Variants in CT47B1 observed in about 807,000 individuals in gnomAD.
The protein encoded by CT47B1 is cancer/testis CT47 family, member 13.
Under a neutral mutation model 12.8 loss-of-function variants are expected in CT47B1, and 24 were observed. The observed-to-expected ratio is 1.87, with a 90% confidence interval of 1.36 to 2.63. The LOEUF (loss-of-function observed/expected upper bound fraction) is 2.63, where lower values mean the gene tolerates loss of function less well. CT47B1 is among the 30% of genes most tolerant of loss of function. The pLI is 0.00. For synonymous variants in CT47B1, 228 were observed against 133.3 expected (o/e 1.71, Z -4.89); for missense variants, 523 against 271.3 (o/e 1.93, Z -6.52).
chrX:120,875,121 C>T lies in CT47B1; in HGVS notation c.550G>A (p.Gly184Ser). 8.3e-7 allele frequency: 1 copy of T among 1,210,409 alleles called. No homozygotes were observed. The highest frequency in any genetic ancestry group is 1.1e-6 in the Non-Finnish European group (1 of 894,759). ...RLGAGAAAPEGEGLGLIQEAA... is the reference protein window; with the variant it reads ...RLGAGAAAPESEGLGLIQEAA... ...TCCTGGATCAGGCCGAGGCCCTCGC[C>T]TTCTGGGGCTGCAGCCCCTGCACCC... The change falls in exon 1 of 3, where the codon GGC becomes AGC. Residue 184 changes from glycine (G) to serine (S), a missense_variant. Coordinates refer to ENST00000371311, the MANE Select transcript of CT47B1 (RefSeq NM_001145718.3).
At position 120,875,013 on chromosome X, in the gene CT47B1, C is replaced by T. The variant is rs1172317167; in HGVS notation, c.658G>A (p.Glu220Lys). The T allele has an allele frequency of 3.3e-6, 4 of 1,208,821 alleles. No homozygotes were observed. In the African/African-American group the frequency reaches 7.0e-5, roughly 21 times the overall value. The change falls in exon 1 of 3, where the codon GAG becomes AAG. Residue 220 changes from glutamate to lysine, a missense_variant. Transcript: ENST00000371311. Reference sequence around the variant, plus strand: ...GGGGGTTTCTCATCTGCGGCCTCCTCCGCGGGCTCCCTGGCCATCTCGGCC... The same window carrying T: ...GGGGGTTTCTCATCTGCGGCCTCCTTCGCGGGCTCCCTGGCCATCTCGGCC... Reference protein sequence around the residue: ...DLAEMAREPAEEAADEKPPEE... With the variant: ...DLAEMAREPAKEAADEKPPEE...
At position 120,875,230 on chromosome X, in the gene CT47B1, G is replaced by T. The variant is rs778145227; in HGVS notation, c.441C>A (p.His147Gln). The T allele has an allele frequency of 5.8e-5, 70 of 1,210,317 alleles. 1 individual carries two copies. The highest frequency in any genetic ancestry group is 1.2e-4 in the East Asian group (4 of 33,752). The change falls in exon 1 of 3, where the codon CAC becomes CAA. Residue 147 changes from histidine to glutamine, a missense_variant. Coordinates refer to ENST00000371311, the MANE Select transcript of CT47B1 (RefSeq NM_001145718.3). ...HNDHIQIANRHLSRLMVGPHA... is the reference protein window; with the variant it reads ...HNDHIQIANRQLSRLMVGPHA... Reference sequence around the variant, plus strand: ...GGGGCCCCACCATCAGGCGGCTGAGGTGACGGTTCGCTATCTGGATGTGGT... The same window carrying T: ...GGGGCCCCACCATCAGGCGGCTGAGTTGACGGTTCGCTATCTGGATGTGGT...
In CT47B1 at chrX:120,874,925, G is replaced by A. The variant is rs769266744; in HGVS notation, c.746C>T (p.Pro249Leu). The change falls in exon 1 of 3, where the codon CCG becomes CTG. Residue 249 changes from proline to leucine, a missense_variant. Physicochemically the swap from Pro to Leu is moderately conservative, Grantham distance 98 (BLOSUM62 -3). Transcript: ENST00000371311. ...GGGGGCCACGGCCTCCTCTGAGGTCGGTTCCTCTGCGGCCGGTTCCTCTGT... is the reference window on the plus strand; with the variant it reads ...GGGGGCCACGGCCTCCTCTGAGGTCAGTTCCTCTGCGGCCGGTTCCTCTGT... ...EATEEPAAEE[P>L]TSEEAVAPEE... 1 of 1,209,845 alleles carries A rather than the reference G, an allele frequency of 8.3e-7. No homozygotes were observed. Among genetic ancestry groups the A allele is most frequent in the Non-Finnish European group, 1.1e-6 (1 of 894,717 alleles).
rs745694817 is a variant in CT47B1 at position 120,874,924 on chromosome X, C to T, written c.747G>A (p.Pro249=). ...CGGGGGCCACGGCCTCCTCTGAGGT[C>T]GGTTCCTCTGCGGCCGGTTCCTCTG... ...EATEEPAAEE[P]TSEEAVAPEE... The change falls in exon 1 of 3, where the codon CCG becomes CCA. Residue 249 remains proline (P), a synonymous_variant. Transcript: ENST00000371311. 10 of 1,208,405 alleles carry T rather than the reference C, an allele frequency of 8.3e-6. No homozygotes were observed. Among genetic ancestry groups the T allele is most frequent in the Admixed American group, 2.2e-5 (1 of 45,886 alleles).
chrX:120,875,017 G>C lies in CT47B1; in HGVS notation c.654C>G (p.Pro218=). 2 of 1,209,812 alleles carry C rather than the reference G, an allele frequency of 1.7e-6. No individual in the cohort carries two copies. Among genetic ancestry groups the C allele is most frequent in the Non-Finnish European group, 2.2e-6 (2 of 894,766 alleles). The stretch of plus-strand genomic sequence containing the variant: ...GTTTCTCATCTGCGGCCTCCTCCGC[G>C]GGCTCCCTGGCCATCTCGGCCAGGT... ...PADLAEMARE[P]AEEAADEKPP... is the part of the protein sequence containing the mutation. The change falls in exon 1 of 3, where the codon CCC becomes CCG. Residue 218 remains proline (P), a synonymous_variant. Transcript: ENST00000371311.
At chrX:120,874,756 C>T in intron 1 of CT47B1, 140 bp downstream of exon 1, 5 of 959,650 alleles carry the variant, frequency 5.2e-6, no homozygotes, top group Non-Finnish European at 7.0e-6. Context: ...TTCAGGAGGG[C>T]CCCAACACCT....
intron 1 of CT47B1, 112 bp downstream of exon 1, chrX:120,874,784 C>T: frequency 9.0e-7 from 1 of 1,110,333 alleles, no homozygotes; most frequent in Non-Finnish European, 1.2e-6. Flanking sequence ...CACCCGAGGC[C>T]CCGACCCCCC....
At chrX:120,874,787 G>T (rs1602680878) in intron 1 of CT47B1, 109 bp downstream of exon 1, 2 of 1,105,732 alleles carry the variant, frequency 1.8e-6, no homozygotes, top group East Asian at 6.0e-5. Flanking sequence ...CCGAGGCCCC[G>T]ACCCCCCTTC....
intron 1 of CT47B1, among the ~76,000 whole-genome samples, 179 bp from the exon 2 acceptor site, chrX:120,874,199 G>C (rs1221682994): frequency 7.2e-5 from 7 of 96,554 alleles, no homozygotes; most frequent in Non-Finnish European, 8.2e-5. Context: ...TGGCCCTCAC[G>C]TTGCTGCTGC....
In CT47B1 at chrX:120,875,078, T is replaced by C. The variant is rs193289998; in HGVS notation, c.593A>G (p.Glu198Gly). 4,375 of 1,207,828 alleles carry C rather than the reference T, an allele frequency of 3.6e-3. 100 individuals carry two copies. The African/African-American group carries it at 0.066, about 18-fold the overall frequency. Reference protein sequence around the residue: ...GLIQEAASVQEAASVPEPAVP... With the variant: ...GLIQEAASVQGAASVPEPAVP... ...TGCAGGCTCTGGGACCGACGCGGCC[T>C]CCTGGACCGACGCAGCCTCCTGGAT... Residue 198 changes from glutamate (E) to glycine (G), a missense_variant, in exon 1 of 3, where the codon GAG becomes GGG. Transcript: ENST00000371311.
chrX:120,875,323 C>A lies in CT47B1; in HGVS notation c.348G>T (p.Pro116=). Residue 116 remains proline (P), a synonymous_variant, in exon 1 of 3, where the codon CCG becomes CCT. Coordinates refer to ENST00000371311, the MANE Select transcript of CT47B1 (RefSeq NM_001145718.3). ...GGAACACGAAGCCAATGCCCGCCGC[C>A]GGGTACCGACGGGTGGCCACCGCCA... ...FDLAVATRRY[P]AAGIGFVFLY... is the part of the protein sequence containing the mutation. 6 of 1,210,197 alleles carry A rather than the reference C, an allele frequency of 5.0e-6. No homozygotes were observed. The highest frequency in any genetic ancestry group is 2.2e-5 in the Admixed American group (1 of 46,051).
intron 2 of CT47B1, among the ~76,000 whole-genome samples, chrX:120,873,384 C>A (rs1923825517): frequency 1.0e-5 from 1 of 96,550 alleles, no homozygotes; most frequent in Non-Finnish European, 2.3e-5. Context: ...TAATTGTGGT[C>A]CTACTTGAAA....
At position 120,874,921 on chromosome X, in the gene CT47B1, G is replaced by T; in HGVS notation, c.750C>A (p.Thr250=). 8.3e-7 allele frequency: 1 copy of T among 1,210,026 alleles called. No homozygotes were observed. The highest frequency in any genetic ancestry group is 1.1e-6 in the Non-Finnish European group (1 of 894,816). Residue 250 remains threonine, a synonymous_variant, in exon 1 of 3, where the codon ACC becomes ACA. Coordinates refer to ENST00000371311, the MANE Select transcript of CT47B1 (RefSeq NM_001145718.3). The part of the protein sequence containing the change: ...ATEEPAAEEP[T]SEEAVAPEEV... ...CCTCGGGGGCCACGGCCTCCTCTGA[G>T]GTCGGTTCCTCTGCGGCCGGTTCCT...
Position 120,875,009 on chromosome X carries a change from T to A in CT47B1, c.662A>T (p.Glu221Val), listed in dbSNP as rs1281170202. ...CTCTGGGGGTTTCTCATCTGCGGCC[T>A]CCTCCGCGGGCTCCCTGGCCATCTC... ...LAEMAREPAE[E>V]AADEKPPEEA... The change falls in exon 1 of 3, where the codon GAG becomes GTG. Residue 221 changes from glutamate to valine, a missense_variant. By Grantham distance (121) the Glu-to-Val change is moderately radical. Transcript: ENST00000371311. 1.7e-6 allele frequency: 2 copies of A among 1,210,001 alleles called. No individual in the cohort carries two copies. The highest frequency in any genetic ancestry group is 1.8e-5 in the South Asian group (1 of 56,941).
At chrX:120,873,626 G>A (rs1235519560) in intron 2 of CT47B1, among the ~76,000 whole-genome samples, 2 of 56,271 alleles carry the variant, frequency 3.6e-5, no homozygotes, top group African/African-American at 1.2e-4. Flanking sequence ...GAGGACAAAA[G>A]ACCTCAACAT....
At chrX:120,874,226 G>A (rs1006697106) in intron 1 of CT47B1, among the ~76,000 whole-genome samples, 13 of 99,082 alleles carry the variant, frequency 1.3e-4, no homozygotes, top group Admixed American at 2.3e-4. Context: ...ATTTCCACAG[G>A]GACACTGTAT....
chrX:120,874,867 T>G, intron 1 of CT47B1, 29 bp downstream of exon 1: 1 of 1,205,130 alleles, frequency 8.3e-7, no homozygotes, highest in Non-Finnish European at 1.1e-6. Flanking sequence ...GGATCCCCGC[T>G]TCCCCGCTGC....
Position 120,875,287 on chromosome X carries a change from G to A in CT47B1, c.384C>T (p.Val128=), listed in dbSNP as rs1165024400. 2.5e-6 allele frequency: 3 copies of A among 1,210,290 alleles called. No homozygotes were observed. The highest frequency in any genetic ancestry group is 3.4e-6 in the Non-Finnish European group (3 of 894,718). Residue 128 remains valine (V), a synonymous_variant, in exon 1 of 3, where the codon GTC becomes GTT. Coordinates refer to ENST00000371311, the MANE Select transcript of CT47B1 (RefSeq NM_001145718.3). The stretch of plus-strand genomic sequence containing the variant: ...GATAGAGGCGGCGGAGAAGGGAGTG[G>A]ACCAGGTACAGGAACACGAAGCCAA... ...AGIGFVFLYL[V]HSLLRRLYHN...
intron 1 of CT47B1, among the ~76,000 whole-genome samples, chrX:120,874,367 A>ATT (rs1923855084): frequency 9.0e-6 from 1 of 111,189 alleles, no homozygotes; most frequent in Admixed American, 9.6e-5. Context: ...TTGGGAAAAT[A>ATT]TTTGTTTACC....
Sources: allele counts gnomAD v4.1 joint callset (sites outside exome capture counted in the v4.1 genomes callset), GRCh38; gene constraint gnomAD v4.1.1; transcripts MANE v1.5; gene names NCBI Gene and HGNC (gene_info 2026-07-23, HGNC 2026-07-21).